Variants in HEBP1 observed in about 807,000 individuals in gnomAD.
The protein encoded by HEBP1 is heme-binding protein 1.
Under a neutral mutation model 20.4 loss-of-function variants are expected in HEBP1, and 13 were observed. The ratio of observed to expected loss-of-function variants is 0.64; its 90% confidence interval spans 0.42 to 1.01. The LOEUF (loss-of-function observed/expected upper bound fraction) is 1.01, where lower values mean the gene tolerates loss of function less well. HEBP1 is among the 50% of genes least tolerant of loss of function. The pLI is 0.00. For synonymous variants in HEBP1, 92 were observed against 90.7 expected (o/e 1.01, Z -0.08); for missense variants, 241 against 247.3 (o/e 0.97, Z 0.17).
Position 12,996,722 on chromosome 12 carries a change from A to G in HEBP1, c.78+3315T>C, listed in dbSNP as rs1864294647. On this transcript the variant is annotated intron_variant, in intron 1 of 3. Transcript: ENST00000014930. This position sits in a 1 kb window ranked among gnomAD's most constrained non-coding sequence, Gnocchi z 4.1. ...ACATTGGCATTGTTATTCTCATCTTAGAGTTGAGGAATTCAAGGGCTCACG... is the reference window on the plus strand; with the variant it reads ...ACATTGGCATTGTTATTCTCATCTTGGAGTTGAGGAATTCAAGGGCTCACG... Among the ~76,000 whole-genome samples, 1 of 152,164 alleles carries G rather than the reference A, an allele frequency of 6.6e-6. No homozygotes were observed. Among genetic ancestry groups the G allele is most frequent in the Non-Finnish European group, 1.5e-5 (1 of 68,024 alleles).
chr12:12,983,615 A>G (rs906724259), intron 3 of HEBP1: 1 of 446,186 alleles, frequency 2.2e-6, no homozygotes, highest in African/African-American at 2.0e-5. Context: ...GTAATTTTGA[A>G]TGCTCATTTG....
At chr12:12,985,271 T>A (rs921466774) in intron 3 of HEBP1, among the ~76,000 whole-genome samples, 1 of 152,170 alleles carries the variant, frequency 6.6e-6, no homozygotes, top group Non-Finnish European at 1.5e-5. Flanking sequence ...TCTTCAGTAA[T>A]TACCTGAAAT....
chr12:12,990,369 A>G (rs1219234669), intron 1 of HEBP1, among the ~76,000 whole-genome samples: 2 of 145,448 alleles, frequency 1.4e-5, no homozygotes, highest in Non-Finnish European at 3.0e-5. Context: ...TTTTTGGTAG[A>G]GTCTCCCTAT....
Position 12,987,262 on chromosome 12 carries a change from C to A in HEBP1, c.288G>T (p.Lys96Asn), listed in dbSNP as rs375649105. 1.9e-6 allele frequency: 3 copies of A among 1,614,088 alleles called. No individual in the cohort carries two copies. The highest frequency in any genetic ancestry group is 1.1e-5 in the South Asian group (1 of 91,074). Residue 96 changes from lysine (K) to asparagine (N), a missense_variant, in exon 3 of 4, where the codon AAG (lysine) becomes AAT (asparagine). Coordinates refer to ENST00000014930, the MANE Select transcript of HEBP1 (RefSeq NM_015987.5). ...GAATCCGGAACCAGACTTTTAATTT[C>A]TTCTGCAGAGAGCCATCTTCATTGG... ...VFPNEDGSLQ[K>N]KLKVWFRIPN...
rs184272455 is a variant in HEBP1 at position 12,998,888 on chromosome 12, A to G, written c.78+1149T>C. ...CACTGATATAAATTTGGGGGAAGAC[A>G]GCAATTATGCTCTTCTCACTCATTC... On this transcript the variant is annotated intron_variant, in intron 1 of 3. Transcript: ENST00000014930. This position sits in a 1 kb window ranked among gnomAD's most constrained non-coding sequence, Gnocchi z 4.2. Among the ~76,000 whole-genome samples the G allele has an allele frequency of 9.8e-5, 15 of 152,346 alleles. No individual in the cohort carries two copies. In the East Asian group the frequency reaches 2.7e-3, roughly 27 times the overall value.
At chr12:12,983,357 T>A (rs1864110973) in intron 3 of HEBP1, 1 of 217,814 alleles carries the variant, frequency 4.6e-6, no homozygotes, top group South Asian at 5.9e-5. Flanking sequence ...TCTATTCATC[T>A]AAAAGCACCG....
chr12:12,999,985 TG>T, intron 1 of HEBP1, 51 bp downstream of exon 1: 5 of 1,272,898 alleles, frequency 3.9e-6, no homozygotes, highest in South Asian at 1.3e-5. Flanking sequence ...CCGACGAGGG[TG>T]GGGGTGGGAG....
At chr12:12,979,392 C>G (rs1864045099) in intron 3 of HEBP1, 1 of 152,666 alleles carries the variant, frequency 6.6e-6, no homozygotes, top group Non-Finnish European at 1.5e-5. Context: ...GAGTTCTCCT[C>G]TCTGCTAATT....
chr12:12,995,899 T>C (rs1411074004), intron 1 of HEBP1, among the ~76,000 whole-genome samples: 1 of 152,184 alleles, frequency 6.6e-6, no homozygotes, highest in Non-Finnish European at 1.5e-5. Flanking sequence ...ATTTTCAACA[T>C]TCAGTGGGAA....
In HEBP1 at chr12:12,982,189, A is replaced by G. The variant is rs572030445; in HGVS notation, c.398+4963T>C. Among the ~76,000 whole-genome samples, 6 of 152,308 alleles carry G rather than the reference A, an allele frequency of 3.9e-5. No homozygotes were observed. In the East Asian group the frequency reaches 1.2e-3, roughly 29 times the overall value. The stretch of plus-strand genomic sequence containing the variant: ...AAGGCCCTGCCCTTGGGAAGCTTGC[A>G]TTCTAGTGGGGAGAGGGCAATAAAT... On this transcript the variant is annotated intron_variant, in intron 3 of 3. Transcript: ENST00000014930.
intron 3 of HEBP1, 71 bp downstream of exon 3, chr12:12,987,081 C>A: frequency 3.1e-6 from 4 of 1,277,852 alleles, no homozygotes; most frequent in South Asian, 1.4e-5. Context: ...CGAATGCTTG[C>A]CAGAGGTGAT....
chr12:12,997,096 C>T (rs1297186021), intron 1 of HEBP1, among the ~76,000 whole-genome samples: 1 of 152,128 alleles, frequency 6.6e-6, no homozygotes, highest in Non-Finnish European at 1.5e-5. Flanking sequence ...TATTTTTATA[C>T]TCATTTTATA....
intron 1 of HEBP1, among the ~76,000 whole-genome samples, chr12:12,993,124 CCCCTCCCT>C (rs752729041): frequency 2.2e-4 from 23 of 106,098 alleles, no homozygotes; most frequent in Non-Finnish European, 2.9e-4. Flanking sequence ...CTTTCGTTTC[CCCCTCCCT>C]CCCTCCCTCC....
intron 3 of HEBP1, 81 bp downstream of exon 3, chr12:12,987,071 C>T (rs887059665): frequency 7.9e-6 from 9 of 1,144,024 alleles, no homozygotes; most frequent in African/African-American, 1.6e-5. Flanking sequence ...AAATTTGACG[C>T]GAATGCTTGC....
At chr12:12,994,112 T>C (rs745935686) in intron 1 of HEBP1, among the ~76,000 whole-genome samples, 1 of 152,224 alleles carries the variant, frequency 6.6e-6, no homozygotes, top group Non-Finnish European at 1.5e-5. Context: ...ACACAAATTA[T>C]TGTACAATGC....
In HEBP1 at chr12:12,975,460, T is replaced by G; in HGVS notation, c.418A>C (p.Lys140Gln). 6.2e-7 allele frequency: 1 copy of G among 1,608,836 alleles called. No homozygotes were observed. Among genetic ancestry groups the G allele is most frequent in the Non-Finnish European group, 8.5e-7 (1 of 1,177,966 alleles). Residue 140 changes from lysine to glutamine, a missense_variant, in exon 4 of 4, where the codon AAG becomes CAG. Coordinates refer to ENST00000014930, the MANE Select transcript of HEBP1 (RefSeq NM_015987.5). ...GCTTGTGCTACGTAGTCTGCTTCCT[T>G]GGCATAACCACCAAACTGCCTGGGG... ...VYSMQFGGYA[K>Q]EADYVAQATR...
At chr12:12,982,319 A>G (rs1178415433) in intron 3 of HEBP1, among the ~76,000 whole-genome samples, 1 of 152,204 alleles carries the variant, frequency 6.6e-6, no homozygotes, top group Non-Finnish European at 1.5e-5. Context: ...TTTCAATAGA[A>G]CGGCTGGACA....
At chr12:12,999,234 G>A (rs1419837373) in intron 1 of HEBP1, among the ~76,000 whole-genome samples, 1 of 152,186 alleles carries the variant, frequency 6.6e-6, no homozygotes, top group Non-Finnish European at 1.5e-5. Flanking sequence ...TATCTACTAC[G>A]TTTTTTCCTA....
chr12:12,988,740 G>C (rs1864182381), intron 2 of HEBP1, among the ~76,000 whole-genome samples: 1 of 152,168 alleles, frequency 6.6e-6, no homozygotes. Context: ...AAAGTAGAGA[G>C]GTGGCCAGCA....
Sources: allele counts gnomAD v4.1 joint callset (sites outside exome capture counted in the v4.1 genomes callset), GRCh38; gene constraint gnomAD v4.1.1; non-coding constraint Gnocchi (gnomAD v3.1); transcripts MANE v1.5; gene names NCBI Gene and HGNC (gene_info 2026-07-23, HGNC 2026-07-21).